The following HRH2 variants were observed in gnomAD, a reference collection of about 807,000 sequenced individuals.
The protein encoded by HRH2 is histamine receptor H2.
A neutral mutation model predicts 20.1 loss-of-function variants in HRH2; 4 were observed. That is an observed-to-expected ratio of 0.20 (90% CI 0.10 to 0.45). HRH2 has a LOEUF of 0.45. Among genes scored for constraint, HRH2 ranks in the 20% least tolerant of loss-of-function variants. HRH2 has a pLI of 0.99. For synonymous variants in HRH2, 197 were observed against 200.7 expected, an observed-to-expected ratio of 0.98 and a Z score of 0.16; for missense variants, 250 against 461.6, an observed-to-expected ratio of 0.54 and a Z score of 4.20.
chr5:175,681,788 T>C lies in HRH2; in HGVS notation c.-525-921T>C, dbSNP rs1411723727. ...TGGTGAGCCTCCCCACAGACTGTTATGCAACCATTAGAAGGAATGAGTGAG... is the reference window on the plus strand; with the variant it reads ...TGGTGAGCCTCCCCACAGACTGTTACGCAACCATTAGAAGGAATGAGTGAG... On this transcript the variant is annotated intron_variant, in intron 1 of 2. Coordinates refer to ENST00000636584, the MANE Select transcript of HRH2 (RefSeq NM_001367711.1). This position sits in a 1 kb window ranked among gnomAD's most constrained non-coding sequence, Gnocchi z 4.3. 1.3e-5 allele frequency among the ~76,000 whole-genome samples: 2 copies of C among 152,180 alleles called. No individual in the cohort carries two copies. Among genetic ancestry groups the C allele is most frequent in the African/African-American group, 4.8e-5 (2 of 41,458 alleles).
chr5:175,701,569 G>A (rs191375322), intron 2 of HRH2, among the ~76,000 whole-genome samples: 5 of 152,222 alleles, frequency 3.3e-5, no homozygotes, highest in African/African-American at 1.2e-4. Context: ...CAGACCCAAG[G>A]GAAAAGTATG....
At position 175,665,014 on chromosome 5, in the gene HRH2, C is replaced by A. The variant is rs535284861; in HGVS notation, c.-526+6859C>A. On this transcript the variant is annotated intron_variant, in intron 1 of 2. Transcript: ENST00000636584. ...TAAAATGCCTTTTCTCCAGACAGTG[C>A]GGAGGAGGGTGGGGCTGAGGAGAGA... is the stretch of plus-strand genomic sequence containing the variant. Among the ~76,000 whole-genome samples the A allele has an allele frequency of 2.0e-5, 3 of 152,252 alleles. No homozygotes were observed. The East Asian group carries it at 5.8e-4, about 29-fold the overall frequency.
chr5:175,700,995 A>C (rs562787424), intron 2 of HRH2, among the ~76,000 whole-genome samples: 4 of 152,260 alleles, frequency 2.6e-5, no homozygotes, highest in Admixed American at 6.5e-5. Context: ...GCACAGATGC[A>C]AGAAATAGCA....
At chr5:175,705,666 CTTT>C (rs771508609) in intron 2 of HRH2, among the ~76,000 whole-genome samples, 1 of 142,310 alleles carries the variant, frequency 7.0e-6, no homozygotes. Context: ...CCAGAGTAGA[CTTT>C]TTTTTTTTTT....
At chr5:175,702,926 C>T (rs1756835965) in intron 2 of HRH2, among the ~76,000 whole-genome samples, 1 of 151,836 alleles carries the variant, frequency 6.6e-6, no homozygotes, top group African/African-American at 2.4e-5. Context: ...GTTCAGTTCA[C>T]CAGAAAGATA....
intron 1 of HRH2, among the ~76,000 whole-genome samples, chr5:175,658,848 AC>A (rs1762650282): frequency 6.6e-6 from 1 of 151,974 alleles, no homozygotes; most frequent in Admixed American, 6.6e-5. Context: ...CTGGGCAGTG[AC>A]CTTGAGCTTG....
rs1194825885 is a variant in HRH2 at position 175,677,183 on chromosome 5, T to C, written c.-525-5526T>C. ...CTAATTTTTAAACTTTTTGTAGATA[T>C]AGGGTCTCACTACGTTGCCCAGGCT... On this transcript the variant is annotated intron_variant, in intron 1 of 2. Coordinates refer to ENST00000636584, the MANE Select transcript of HRH2 (RefSeq NM_001367711.1). This position sits in a 1 kb window ranked among gnomAD's most constrained non-coding sequence, Gnocchi z 4.2. 2.0e-5 allele frequency among the ~76,000 whole-genome samples: 3 copies of C among 151,936 alleles called. No homozygotes were observed. Among genetic ancestry groups the C allele is most frequent in the African/African-American group, 7.3e-5 (3 of 41,350 alleles).
At chr5:175,664,704 G>A (rs1762836875) in intron 1 of HRH2, among the ~76,000 whole-genome samples, 1 of 152,000 alleles carries the variant, frequency 6.6e-6, no homozygotes, top group Non-Finnish European at 1.5e-5. Flanking sequence ...GCGAATTCAC[G>A]GCTCACTGCA....
chr5:175,698,899 G>A (rs778747552), intron 2 of HRH2, among the ~76,000 whole-genome samples: 1 of 152,208 alleles, frequency 6.6e-6, no homozygotes, highest in Non-Finnish European at 1.5e-5. Context: ...GAGTCTCCCC[G>A]GCCTGCTCAG....
At chr5:175,659,645 G>C (rs1160442551) in intron 1 of HRH2, among the ~76,000 whole-genome samples, 1 of 152,152 alleles carries the variant, frequency 6.6e-6, no homozygotes, top group African/African-American at 2.4e-5. Flanking sequence ...TCAGAGACTG[G>C]AACCAGGTCT....
intron 2 of HRH2, among the ~76,000 whole-genome samples, chr5:175,700,534 TA>T (rs1756760989): frequency 6.6e-6 from 1 of 152,132 alleles, no homozygotes; most frequent in African/African-American, 2.4e-5. Context: ...AGGGAACCAG[TA>T]ATTCTGGGAG....
chr5:175,682,905 G>T lies in HRH2; in HGVS notation c.-329G>T. ...GGAAGCGGAGACCTACCCCAGCCCC[G>T]GGAGGAAGCTAGCTCTTCAGGGGAC... On this transcript the variant is annotated 5_prime_UTR_variant, in exon 2 of 3. Coordinates refer to ENST00000636584, the MANE Select transcript of HRH2 (RefSeq NM_001367711.1). 3.6e-6 allele frequency: 1 copy of T among 276,808 alleles called. No homozygotes were observed. Among genetic ancestry groups the T allele is most frequent in the Non-Finnish European group, 6.8e-6 (1 of 147,612 alleles). 17.1% of individuals were successfully genotyped at this position (276,808 alleles called of 1,614,324 possible). A position where few individuals can be genotyped will look rare whatever the true frequency, so the allele number is the denominator to read the frequency against.
intron 2 of HRH2, among the ~76,000 whole-genome samples, chr5:175,697,540 G>A (rs541969411): frequency 1.3e-5 from 2 of 151,336 alleles, no homozygotes; most frequent in Admixed American, 6.6e-5. Context: ...TCCCAGCAGT[G>A]AGTGAATATG....
intron 1 of HRH2, among the ~76,000 whole-genome samples, chr5:175,666,245 T>C (rs1471630129): frequency 1.3e-5 from 2 of 152,176 alleles, no homozygotes; most frequent in Admixed American, 6.5e-5. Flanking sequence ...GTCCCCAGAC[T>C]GTGTTCCTGG....
At chr5:175,692,254 A>G (rs1338564384) in intron 2 of HRH2, among the ~76,000 whole-genome samples, 1 of 152,246 alleles carries the variant, frequency 6.6e-6, no homozygotes, top group African/African-American at 2.4e-5. Context: ...GTGTTCTCAT[A>G]AAACTGTATA....
At chr5:175,674,385 C>A (rs749606795) in intron 1 of HRH2, among the ~76,000 whole-genome samples, 17 of 152,186 alleles carry the variant, frequency 1.1e-4, no homozygotes, top group South Asian at 2.1e-4. Flanking sequence ...AGGTGCCCGG[C>A]ACGTGGTAGG....
At chr5:175,665,618 G>T (rs917187563) in intron 1 of HRH2, among the ~76,000 whole-genome samples, 1 of 152,166 alleles carries the variant, frequency 6.6e-6, no homozygotes, top group East Asian at 1.9e-4. Context: ...CATTGCTAGA[G>T]CTAGAAAGTT....
intron 1 of HRH2, among the ~76,000 whole-genome samples, chr5:175,680,769 C>T (rs759533727): frequency 3.9e-5 from 6 of 152,144 alleles, no homozygotes; most frequent in African/African-American, 1.2e-4. Flanking sequence ...CCAGAACTTA[C>T]GGGAGCTGGG....
Position 175,681,141 on chromosome 5 carries a change from C to G in HRH2, c.-525-1568C>G, listed in dbSNP as rs1045477352. Among the ~76,000 whole-genome samples, 2 of 152,086 alleles carry G rather than the reference C, an allele frequency of 1.3e-5. No individual in the cohort carries two copies. Among genetic ancestry groups the G allele is most frequent in the Non-Finnish European group, 1.5e-5 (1 of 68,018 alleles). On this transcript the variant is annotated intron_variant, in intron 1 of 2. Transcript: ENST00000636584. The surrounding 1 kb of genome is among the most constrained non-coding windows in gnomAD (Gnocchi z 4.3). ...CCAAAAAAATACCCTTATTGCTACCCCCTCCAAAGTTAATTAAGTGTGGCG... is the reference window on the plus strand; with the variant it reads ...CCAAAAAAATACCCTTATTGCTACCGCCTCCAAAGTTAATTAAGTGTGGCG...
Sources: gnomAD v4.1 joint callset for allele counts (sites outside exome capture counted in the v4.1 genomes callset) on GRCh38, gnomAD v4.1.1 for gene constraint, Gnocchi (gnomAD v3.1) non-coding constraint, MANE v1.5 for transcripts, NCBI Gene and HGNC (gene_info 2026-07-23, HGNC 2026-07-21) for gene names.